ANGEL1: variants seen among roughly 807,000 people sequenced by gnomAD.
ANGEL1 encodes angel homolog 1.
ANGEL1 carries 62 observed loss-of-function variants against 76.4 expected under a neutral mutation model. That is an observed-to-expected ratio of 0.81 (90% confidence interval 0.66 to 1.00). The LOEUF (loss-of-function observed/expected upper bound fraction) is 1.00, where lower values mean the gene tolerates loss of function less well. ANGEL1 is among the 50% of genes least tolerant of loss of function. The pLI, the probability that ANGEL1 is intolerant of heterozygous loss-of-function variation, is 0.00. For synonymous variants in ANGEL1, 340 were observed against 331.7 expected (o/e 1.03, Z -0.27); for missense variants, 737 against 836.7 (o/e 0.88, Z 1.47).
At chr14:76,805,046 A>AATAAATAC (rs1894877007) in intron 5 of ANGEL1, among the ~76,000 whole-genome samples, 1 of 151,682 alleles carries the variant, frequency 6.6e-6, no homozygotes, top group East Asian at 1.9e-4. Context: ...TAAATAAATA[A>AATAAATAC]ATAAATAAAA....
intron 7 of ANGEL1, among the ~76,000 whole-genome samples, chr14:76,800,787 A>G (rs1177382818): frequency 1.3e-5 from 2 of 152,148 alleles, no homozygotes; most frequent in Non-Finnish European, 2.9e-5. Context: ...CCCGGCCAAC[A>G]TGGTGAAACC....
At chr14:76,798,620 A>C (rs1894654373) in intron 7 of ANGEL1, among the ~76,000 whole-genome samples, 1 of 152,196 alleles carries the variant, frequency 6.6e-6, no homozygotes, top group Non-Finnish European at 1.5e-5. Flanking sequence ...AGACTTAAAA[A>C]TTAAATACCC....
chr14:76,796,571 T>C (rs1475213286), intron 7 of ANGEL1, among the ~76,000 whole-genome samples: 1 of 152,222 alleles, frequency 6.6e-6, no homozygotes, highest in Non-Finnish European at 1.5e-5. Flanking sequence ...TTTTAACTTA[T>C]ATGTTTATTG....
intron 7 of ANGEL1, among the ~76,000 whole-genome samples, chr14:76,794,351 A>G (rs909498357): frequency 1.3e-5 from 2 of 152,160 alleles, no homozygotes; most frequent in African/African-American, 2.4e-5. Flanking sequence ...CTTCACGCCA[A>G]TATATCTGAT....
intron 1 of ANGEL1, 41 bp downstream of exon 1, chr14:76,812,723 C>T (rs1355545972): frequency 2.0e-6 from 3 of 1,489,544 alleles, no homozygotes; most frequent in African/African-American, 1.4e-5. Context: ...CAGAGGCGAG[C>T]CCTGGCCGGG....
chr14:76,798,946 C>CAAAAAA, intron 7 of ANGEL1, among the ~76,000 whole-genome samples: 1 of 73,804 alleles, frequency 1.4e-5, no homozygotes, highest in Non-Finnish European at 2.9e-5. Context: ...GACTCTGTCT[C>CAAAAAA]AAAAAAAAAA....
chr14:76,793,320 A>G (rs2140209911), intron 7 of ANGEL1, among the ~76,000 whole-genome samples: 1 of 136,934 alleles, frequency 7.3e-6, no homozygotes, highest in Non-Finnish European at 1.6e-5. Flanking sequence ...CACAGAAAGG[A>G]AAGAAGGAAA....
intron 9 of ANGEL1, among the ~76,000 whole-genome samples, 169 bp from the exon 10 acceptor site, chr14:76,789,557 G>A (rs1399019243): frequency 6.6e-6 from 1 of 152,142 alleles, no homozygotes; most frequent in African/African-American, 2.4e-5. Flanking sequence ...CATTTTCTCA[G>A]AGATACTCCA....
chr14:76,803,661 G>A, intron 6 of ANGEL1, 125 bp downstream of exon 6: 1 of 1,439,758 alleles, frequency 6.9e-7, no homozygotes, highest in South Asian at 1.4e-5. Flanking sequence ...TGGGAGGATA[G>A]TGAGAAAACA....
At chr14:76,795,483 G>C (rs1276382466) in intron 7 of ANGEL1, among the ~76,000 whole-genome samples, 1 of 152,146 alleles carries the variant, frequency 6.6e-6, no homozygotes, top group Non-Finnish European at 1.5e-5. Flanking sequence ...TGTGTTTACT[G>C]TCAGGTGTCA....
At chr14:76,790,130 G>A (rs543452593) in intron 9 of ANGEL1, among the ~76,000 whole-genome samples, 176 of 152,222 alleles carry the variant, frequency 1.2e-3, no homozygotes, top group African/African-American at 4.1e-3. Flanking sequence ...CCAGAGTGCT[G>A]GGATTACCGG....
rs549743846 is a variant in ANGEL1 at position 76,788,460 on chromosome 14, C to G, written c.*768G>C. 1 of 152,462 alleles carries G rather than the reference C, an allele frequency of 6.6e-6. No individual in the cohort carries two copies. The highest frequency in any genetic ancestry group is 2.4e-5 in the African/African-American group (1 of 41,584). The allele number at this position is 152,462 out of a possible 1,614,324, so 9.4% of individuals were successfully genotyped here. On this transcript the variant is annotated 3_prime_UTR_variant, in exon 10 of 10. Transcript: ENST00000251089. ...TGGCCCTTGTGAAATTACACCAGGT[C>G]TGTGGGGAGCTCTGGGTTGGAGGCA...
chr14:76,812,660 G>A, intron 1 of ANGEL1, 104 bp downstream of exon 1: 1 of 1,374,712 alleles, frequency 7.3e-7, no homozygotes, highest in Non-Finnish European at 9.4e-7. Context: ...CCCGGGGCAC[G>A]GTAGTCGTGA....
chr14:76,806,710 A>T lies in ANGEL1; in HGVS notation c.1086T>A (p.Asp362Glu), dbSNP rs1469102353. The T allele has an allele frequency of 1.2e-6, 2 of 1,613,874 alleles. No individual in the cohort carries two copies. The highest frequency in any genetic ancestry group is 1.7e-6 in the Non-Finnish European group (2 of 1,180,018). ...FRPGLELLNR[D>E]NVGLVLLLQP... is the part of the protein sequence containing the mutation. ...GCAGTAGCAACACTAAGCCCACATT[A>T]TCCCGATTAAGTAGCTCCAAGCCAG... Residue 362 changes from aspartate to glutamate, a missense_variant, in exon 5 of 10, where the codon GAT becomes GAA. By Grantham distance (45) the Asp-to-Glu change is conservative. Coordinates refer to ENST00000251089, the MANE Select transcript of ANGEL1 (RefSeq NM_015305.4).
chr14:76,793,629 C>T (rs1430866529), intron 7 of ANGEL1, among the ~76,000 whole-genome samples: 2 of 140,950 alleles, frequency 1.4e-5, no homozygotes, highest in African/African-American at 5.3e-5. Flanking sequence ...ATGCAAGAGA[C>T]CCAGAAGAGA....
At chr14:76,792,513 C>G (rs1041090934) in intron 7 of ANGEL1, among the ~76,000 whole-genome samples, 1 of 152,008 alleles carries the variant, frequency 6.6e-6, no homozygotes, top group Admixed American at 6.5e-5. Context: ...CAAACCAAAT[C>G]CAGCAAAATA....
intron 5 of ANGEL1, among the ~76,000 whole-genome samples, chr14:76,805,411 T>C (rs1474249287): frequency 6.6e-6 from 1 of 152,220 alleles, no homozygotes; most frequent in African/African-American, 2.4e-5. Context: ...TAGGGCAAGA[T>C]CATGCCTTTC....
Position 76,809,068 on chromosome 14 carries a change from G to C in ANGEL1, c.640C>G (p.Pro214Ala). The C allele has an allele frequency of 6.2e-7, 1 of 1,610,900 alleles. No individual in the cohort carries two copies. Among genetic ancestry groups the C allele is most frequent in the South Asian group, 1.1e-5 (1 of 90,724 alleles). Residue 214 changes from proline (P) to alanine (A), a missense_variant, in exon 2 of 10, where the codon CCA becomes GCA. Transcript: ENST00000251089. ...CAGTTGTCAGACTCACCATGATATG[G>C]TATTTCCACTGCGGGAGGCTGCAAC... ...GQLQPPAVEI[P>A]YHEILWREWE...
chr14:76,798,589 T>C (rs1247023856), intron 7 of ANGEL1, among the ~76,000 whole-genome samples: 3 of 152,208 alleles, frequency 2.0e-5, no homozygotes, highest in African/African-American at 7.2e-5. Flanking sequence ...TCATTTATAA[T>C]AGAAATGCTG....
Sources: allele counts gnomAD v4.1 joint callset (sites outside exome capture counted in the v4.1 genomes callset), GRCh38; gene constraint gnomAD v4.1.1; transcripts MANE v1.5; gene names NCBI Gene and HGNC (gene_info 2026-07-23, HGNC 2026-07-21).